CALN1: variants seen among roughly 807,000 people sequenced by gnomAD.
CALN1 encodes the protein calcium-binding protein 8.
In CALN1, 17 loss-of-function variants were observed where a neutral mutation model predicts 30.6. That is an observed-to-expected ratio of 0.56 (90% CI 0.38 to 0.83). The LOEUF (loss-of-function observed/expected upper bound fraction) is 0.83, where lower values mean the gene tolerates loss of function less well. Ranked by LOEUF, CALN1 falls within the 40% of genes least tolerant of loss-of-function variation. The pLI is 0.00. For missense variants in CALN1, 291 were observed against 354.9 expected (o/e 0.82, Z 1.45); for synonymous variants, 156 against 131.4 (o/e 1.19, Z -1.28).
At chr7:72,183,331 G>C (rs1021196020) in intron 3 of CALN1, among the ~76,000 whole-genome samples, 4 of 152,150 alleles carry the variant, frequency 2.6e-5, no homozygotes, top group African/African-American at 9.7e-5. Context: ...GGGGGAGAGG[G>C]TAGATGGACC....
chr7:72,499,845 CTT>C, the CALN1 span, among the ~76,000 whole-genome samples: 48 of 28,038 alleles, frequency 1.7e-3, 1 homozygote, highest in Admixed American at 6.0e-3. Flanking sequence ...TTCTTTCTTT[CTT>C]TCTTTCTTTC....
intron 1 of CALN1, among the ~76,000 whole-genome samples, chr7:72,405,273 C>T (rs908273726): frequency 6.6e-6 from 1 of 152,216 alleles, no homozygotes; most frequent in Non-Finnish European, 1.5e-5. Flanking sequence ...AGTACTTGGC[C>T]TCAAACACAT....
At chr7:72,363,562 A>G (rs950248017) in intron 2 of CALN1, among the ~76,000 whole-genome samples, 1 of 144,580 alleles carries the variant, frequency 6.9e-6, no homozygotes, top group African/African-American at 2.8e-5. Flanking sequence ...ACAAATGCAC[A>G]TAAACTTACT....
At chr7:72,428,864 C>A (rs1389852229) in intron 1 of CALN1, among the ~76,000 whole-genome samples, 4 of 152,102 alleles carry the variant, frequency 2.6e-5, no homozygotes. Flanking sequence ...AGGGACCTAT[C>A]AGAAAAGAGA....
intron 5 of CALN1, among the ~76,000 whole-genome samples, chr7:72,014,665 G>A (rs1800277337): frequency 6.6e-6 from 1 of 151,944 alleles, no homozygotes; most frequent in Non-Finnish European, 1.5e-5. Context: ...TAGCTTTTCT[G>A]TTTGTTTACT....
chr7:71,792,627 G>A (rs1584225222), intron 6 of CALN1, among the ~76,000 whole-genome samples: 1 of 152,112 alleles, frequency 6.6e-6, no homozygotes, highest in Non-Finnish European at 1.5e-5. Context: ...GAAGGAAAAA[G>A]GAGGTGGCAT....
Position 72,153,924 on chromosome 7 carries a change from G to C in CALN1, c.245-47630C>G, listed in dbSNP as rs58320786. Among the ~76,000 whole-genome samples the C allele has an allele frequency of 7.7e-3, 1,168 of 152,206 alleles. 8 individuals are homozygous for C. Among genetic ancestry groups the C allele is most frequent in the African/African-American group, 0.024 (1,013 of 41,548 alleles). The stretch of plus-strand genomic sequence containing the variant: ...AATGTGCCCAGTGCTCTTGACATGA[G>C]ACTTTCATTTTTCCAAGGCAGCCTG... On this transcript the variant is annotated intron_variant, in intron 3 of 6. Transcript: ENST00000395275.
intron 4 of CALN1, among the ~76,000 whole-genome samples, chr7:72,051,892 T>C (rs1802858377): frequency 6.6e-6 from 1 of 152,236 alleles, no homozygotes; most frequent in South Asian, 2.1e-4. Flanking sequence ...TAATCCTTTC[T>C]CGACAAAGTA....
upstream of CALN1, chr7:72,412,432 T>C (rs1807248628): frequency 6.6e-6 from 1 of 152,128 alleles, no homozygotes; most frequent in Non-Finnish European, 1.5e-5. Flanking sequence ...GATTGGTCCA[T>C]TTTACAGAGT....
At chr7:72,190,757 T>C (rs1250368889) in intron 3 of CALN1, among the ~76,000 whole-genome samples, 2 of 152,224 alleles carry the variant, frequency 1.3e-5, no homozygotes, top group African/African-American at 4.8e-5. Flanking sequence ...TGGGAGAGGT[T>C]AGCATCAGAT....
the CALN1 span, among the ~76,000 whole-genome samples, chr7:72,469,279 T>C: frequency 6.6e-6 from 1 of 152,210 alleles, no homozygotes; most frequent in Non-Finnish European, 1.5e-5. Flanking sequence ...TTCATTCTTT[T>C]TCATGTGAAT....
intron 1 of CALN1, among the ~76,000 whole-genome samples, chr7:72,440,781 C>G (rs1343159597): frequency 6.6e-6 from 1 of 152,062 alleles, no homozygotes; most frequent in Non-Finnish European, 1.5e-5. Context: ...GAGCTGAGAT[C>G]GCACCACTGC....
chr7:71,838,267 C>G (rs1487202696), intron 5 of CALN1, among the ~76,000 whole-genome samples: 1 of 152,086 alleles, frequency 6.6e-6, no homozygotes. Flanking sequence ...TTTAAGCAGG[C>G]TTGTAGTTAA....
At chr7:72,273,233 AC>A (rs1797112281) in intron 3 of CALN1, among the ~76,000 whole-genome samples, 1 of 152,030 alleles carries the variant, frequency 6.6e-6, no homozygotes, top group Non-Finnish European at 1.5e-5. Flanking sequence ...GGAGTTCGAG[AC>A]CAGCCTCGAC....
chr7:72,293,108 C>T (rs78427178), intron 2 of CALN1, among the ~76,000 whole-genome samples: 2 of 152,198 alleles, frequency 1.3e-5, no homozygotes, highest in South Asian at 4.2e-4. Flanking sequence ...CAGAGCTTAG[C>T]CAGGAAAACA....
chr7:71,854,731 T>C (rs1790844168), intron 5 of CALN1, among the ~76,000 whole-genome samples: 1 of 152,196 alleles, frequency 6.6e-6, no homozygotes, highest in African/African-American at 2.4e-5. Context: ...ATTTTCAGAT[T>C]TGGAGAAGCC....
At chr7:71,989,118 A>G (rs1448375334) in intron 5 of CALN1, among the ~76,000 whole-genome samples, 1 of 152,224 alleles carries the variant, frequency 6.6e-6, no homozygotes, top group Non-Finnish European at 1.5e-5. Flanking sequence ...GAAATAAAAA[A>G]GATAGTGCCA....
At chr7:72,016,116 G>T (rs1418764621) in intron 5 of CALN1, among the ~76,000 whole-genome samples, 1 of 151,884 alleles carries the variant, frequency 6.6e-6, no homozygotes, top group Non-Finnish European at 1.5e-5. Flanking sequence ...GGGTATGGTG[G>T]TGGGCGTCTG....
intron 5 of CALN1, among the ~76,000 whole-genome samples, chr7:71,863,118 G>A (rs1186342483): frequency 6.6e-6 from 1 of 151,986 alleles, no homozygotes; most frequent in Non-Finnish European, 1.5e-5. Flanking sequence ...AAGTTAGCCA[G>A]GCATAGTGGT....
Sources: gnomAD v4.1 joint callset for allele counts (sites outside exome capture counted in the v4.1 genomes callset) on GRCh38, gnomAD v4.1.1 for gene constraint, MANE v1.5 for transcripts, NCBI Gene and HGNC (gene_info 2026-07-23, HGNC 2026-07-21) for gene names.